Variants in TMC4 observed in about 807,000 individuals in gnomAD.
The protein encoded by TMC4 is transmembrane channel like 4, also known as voltage-gated chloride channel TMC4.
TMC4 carries 70 observed loss-of-function variants against 82.0 expected under a neutral mutation model. The observed-to-expected ratio is 0.85, with a 90% confidence interval of 0.70 to 1.04. TMC4 has a LOEUF of 1.04. Ranked by LOEUF, TMC4 falls within the 50% of genes least tolerant of loss-of-function variation. TMC4 has a pLI of 0.00. For missense variants in TMC4, 879 were observed against 899.0 expected, an observed-to-expected ratio of 0.98 and a Z score of 0.28; for synonymous variants, 446 against 406.0, an observed-to-expected ratio of 1.10 and a Z score of -1.18.
Position 54,161,193 on chromosome 19 carries a change from A to G in TMC4, c.1754T>C (p.Phe585Ser), listed in dbSNP as rs1484867676. Reference sequence around the variant, plus strand: ...CAGACCCAGGAGAAGGACCAAGGGGAAAAAGAAATTCGCCGCGGAGGCCCG... The same window carrying G: ...CAGACCCAGGAGAAGGACCAAGGGGGAAAAGAAATTCGCCGCGGAGGCCCG... ...TFRASAANFFFPLVLLLGLAI... is the reference protein window; with the variant it reads ...TFRASAANFFSPLVLLLGLAI... Residue 585 changes from phenylalanine (F) to serine (S), a missense_variant, in exon 12 of 15, where the codon TTC becomes TCC. Transcript: ENST00000619895. 12 of 1,593,390 alleles carry G rather than the reference A, an allele frequency of 7.5e-6. No individual in the cohort carries two copies. The South Asian group carries it at 9.0e-5, about 12-fold the overall frequency.
Position 54,168,797 on chromosome 19 carries a change from CTTTTCTTTTCTTTTCTTTT to C in TMC4, c.443-136_443-118del, listed in dbSNP as rs2075777905. On this transcript the variant is annotated intron_variant, in intron 3 of 14. Transcript: ENST00000619895. ...TTTCTTTCTTTCTTTTCTTTTCTTTCTTTTCTTTTCTTTTCTTTTCTTTTCTTTTCTTTTCTTTTCTTTT... is the reference window on the plus strand; with the variant it reads ...TTTCTTTCTTTCTTTTCTTTTCTTTCCTTTTCTTTTCTTTTCTTTTCTTTT... 8.7e-5 allele frequency: 4 copies of C among 46,000 alleles called. 1 individual carries two copies. Among genetic ancestry groups the C allele is most frequent in the Admixed American group, 5.6e-4 (1 of 1,790 alleles). 2.8% of individuals were successfully genotyped at this position (46,000 alleles called of 1,614,324 possible).
At chr19:54,166,390 GC>G (rs1235564394) in intron 5 of TMC4, among the ~76,000 whole-genome samples, 1 of 151,468 alleles carries the variant, frequency 6.6e-6, no homozygotes, top group Admixed American at 6.6e-5. Flanking sequence ...AGAGAGGGGG[GC>G]AAAGACCCAG....
intron 1 of TMC4, 79 bp from the exon 2 acceptor site, chr19:54,172,162 C>T (rs2075914423): frequency 7.4e-7 from 1 of 1,348,164 alleles, no homozygotes; most frequent in South Asian, 1.6e-5. Flanking sequence ...AAACCAGGTC[C>T]CCGGCCCCTC....
At chr19:54,162,972 A>G in intron 9 of TMC4, 61 bp downstream of exon 9, 1 of 1,612,784 alleles carries the variant, frequency 6.2e-7, no homozygotes. Flanking sequence ...GTCTGGACCC[A>G]CCCAGCTCCA....
intron 7 of TMC4, 115 bp from the exon 8 acceptor site, chr19:54,164,002 T>A (rs1397915112): frequency 3.5e-6 from 4 of 1,145,018 alleles, no homozygotes; most frequent in Non-Finnish European, 3.6e-6. Context: ...TGAGACAGAG[T>A]CTCGCTCTGT....
intron 3 of TMC4, among the ~76,000 whole-genome samples, 159 bp from the exon 4 acceptor site, chr19:54,168,839 TTTCTTTTCTTTTCTTTTCTTTTC>T (rs2075785662): frequency 3.0e-5 from 1 of 33,332 alleles, no homozygotes; most frequent in Non-Finnish European, 5.3e-5. Flanking sequence ...TTTCTTTTCT[TTTCTTTTCTTTTCTTTTCTTTTC>T]TTTTCTTTTC....
chr19:54,160,170 G>A lies in TMC4; in HGVS notation c.*136C>T, dbSNP rs1291605447. On this transcript the variant is annotated 3_prime_UTR_variant, in exon 15 of 15. Transcript: ENST00000619895. ...TCACCCGAGAGTCAGGGACGTGGCG[G>A]CGAGGGGCCCTGGAAATCTCCAGAT... The A allele has an allele frequency of 3.6e-5, 35 of 961,776 alleles. No homozygotes were observed. The Admixed American group carries it at 9.0e-4, about 25-fold the overall frequency. The allele number at this position is 961,776 out of a possible 1,614,324, so 59.6% of individuals were successfully genotyped here.
At chr19:54,161,533 GTTGT>G (rs1295655189) in intron 11 of TMC4, among the ~76,000 whole-genome samples, 3 of 149,626 alleles carry the variant, frequency 2.0e-5, no homozygotes, top group Admixed American at 6.7e-5. Flanking sequence ...TGCTGTTGTT[GTTGT>G]TTGTTTGTTT....
At chr19:54,161,073 T>C in intron 12 of TMC4, 40 bp from the exon 13 acceptor site, 1 of 1,609,704 alleles carries the variant, frequency 6.2e-7, no homozygotes, top group South Asian at 1.1e-5. Flanking sequence ...GTGCCAGGAG[T>C]CTGAACACTG....
intron 7 of TMC4, 49 bp from the exon 8 acceptor site, chr19:54,163,936 C>A: frequency 6.3e-7 from 1 of 1,593,570 alleles, no homozygotes; most frequent in Non-Finnish European, 8.6e-7. Flanking sequence ...CTGGAGGAGC[C>A]AAGCTTAAGG....
At chr19:54,165,730 A>T (rs1229438936) in intron 5 of TMC4, among the ~76,000 whole-genome samples, 164 bp from the exon 6 acceptor site, 1 of 152,062 alleles carries the variant, frequency 6.6e-6, no homozygotes, top group African/African-American at 2.4e-5. Context: ...AGAGGCGGAG[A>T]CACAGTCATT....
At chr19:54,169,993 C>T (rs548857694) in intron 2 of TMC4, among the ~76,000 whole-genome samples, 2 of 151,002 alleles carry the variant, frequency 1.3e-5, no homozygotes, top group African/African-American at 4.9e-5. Context: ...CCCAGCTACA[C>T]GAGAGGCTGA....
intron 8 of TMC4, 80 bp from the exon 9 acceptor site, chr19:54,163,239 C>T: frequency 6.5e-7 from 1 of 1,543,938 alleles, no homozygotes; most frequent in Non-Finnish European, 8.8e-7. Context: ...AACGCGCCCG[C>T]ATTCAACCCA....
intron 13 of TMC4, 48 bp from the exon 14 acceptor site, chr19:54,160,593 T>C (rs777911299): frequency 6.2e-7 from 1 of 1,613,196 alleles, no homozygotes; most frequent in Non-Finnish European, 8.5e-7. Context: ...TCTTCCATTA[T>C]ATCCAAACGT....
chr19:54,171,115 G>GTATATATATA (rs2075876473), intron 2 of TMC4, among the ~76,000 whole-genome samples: 1 of 25,514 alleles, frequency 3.9e-5, no homozygotes, highest in Non-Finnish European at 7.6e-5. Flanking sequence ...ATATATATAC[G>GTATATATATA]CATATATATT....
chr19:54,162,885 G>A (rs1456233168), intron 9 of TMC4, 115 bp from the exon 10 acceptor site: 6 of 1,514,334 alleles, frequency 4.0e-6, no homozygotes, highest in Admixed American at 1.8e-5. Context: ...TTCTCTGGGG[G>A]TCCTCGTTTT....
intron 5 of TMC4, 84 bp downstream of exon 5, chr19:54,168,087 T>C: frequency 5.6e-6 from 8 of 1,439,076 alleles, no homozygotes; most frequent in Non-Finnish European, 7.5e-6. Flanking sequence ...CTGAGGATTC[T>C]TGGGGAGGGG....
chr19:54,164,657 G>T, intron 6 of TMC4, 56 bp from the exon 7 acceptor site: 1 of 1,600,526 alleles, frequency 6.2e-7, no homozygotes, highest in South Asian at 1.1e-5. Flanking sequence ...CGGGCCTCCC[G>T]GTTCCCCAGG....
chr19:54,160,974 A>C lies in TMC4; in HGVS notation c.1877T>G (p.Ile626Ser). 1 of 1,614,198 alleles carries C rather than the reference A, an allele frequency of 6.2e-7. No homozygotes were observed. The highest frequency in any genetic ancestry group is 8.5e-7 in the Non-Finnish European group (1 of 1,180,044). ...FRGQSSIWAQ[I>S]PESISSLPET... ...AGGGAGGCTGGAAATAGACTCAGGGATCTGGGCCCAGATGGACGACTGCCC... is the reference window on the plus strand; with the variant it reads ...AGGGAGGCTGGAAATAGACTCAGGGCTCTGGGCCCAGATGGACGACTGCCC... The change falls in exon 13 of 15, where the codon ATC becomes AGC. Residue 626 changes from isoleucine (I) to serine (S), a missense_variant. Coordinates refer to ENST00000619895, the MANE Select transcript of TMC4 (RefSeq NM_144686.4).
Sources: gnomAD v4.1 joint callset for allele counts (sites outside exome capture counted in the v4.1 genomes callset) on GRCh38, gnomAD v4.1.1 for gene constraint, MANE v1.5 for transcripts, NCBI Gene and HGNC (gene_info 2026-07-23, HGNC 2026-07-21) for gene names.